Variants in FAM193B observed in about 807,000 individuals in gnomAD.
FAM193B encodes the protein protein FAM193B.
A neutral mutation model predicts 70.7 loss-of-function variants in FAM193B; 27 were observed. The observed-to-expected ratio is 0.38, with a 90% confidence interval of 0.28 to 0.53. The LOEUF (loss-of-function observed/expected upper bound fraction) is 0.53. Among genes scored for constraint, FAM193B ranks in the 20% least tolerant of loss-of-function variants. The pLI is 0.81. For missense variants in FAM193B, 1,022 were observed against 1,072.5 expected, an observed-to-expected ratio of 0.95 and a Z score of 0.66; for synonymous variants, 448 against 436.0, an observed-to-expected ratio of 1.03 and a Z score of -0.34.
Position 177,524,737 on chromosome 5 carries a change from C to G in FAM193B, c.1744G>C (p.Gly582Arg), listed in dbSNP as rs568949342. The G allele has an allele frequency of 6.5e-7, 1 of 1,546,444 alleles. No individual in the cohort carries two copies. Among genetic ancestry groups the G allele is most frequent in the Non-Finnish European group, 8.7e-7 (1 of 1,147,250 alleles). ...GPPPGIVPEN[G>R]LVRRLNTVPN... ...ACGGTGTTGAGTCTCCTCACGAGCC[C>G]GTTCTCGGGGACGATACCGGGAGGG... Residue 582 changes from glycine (G) to arginine (R), a missense_variant, in exon 6 of 9, where the codon GGG becomes CGG. Transcript: ENST00000514747.
intron 1 of FAM193B, among the ~76,000 whole-genome samples, chr5:177,549,950 C>A (rs1765984173): frequency 6.6e-6 from 1 of 152,124 alleles, no homozygotes; most frequent in African/African-American, 2.4e-5. Flanking sequence ...AAAACATAGA[C>A]CCTGCTCTAA....
At chr5:177,539,949 G>A (rs1764646116) in intron 1 of FAM193B, among the ~76,000 whole-genome samples, 1 of 152,014 alleles carries the variant, frequency 6.6e-6, no homozygotes, top group Non-Finnish European at 1.5e-5. Context: ...TATGCCCATA[G>A]CATAGGCCCA....
chr5:177,547,832 G>A (rs911033530), intron 1 of FAM193B, among the ~76,000 whole-genome samples: 1 of 152,166 alleles, frequency 6.6e-6, no homozygotes, highest in Admixed American at 6.5e-5. Context: ...GGGAGCTAAG[G>A]GCCTTTGGTG....
At chr5:177,546,427 C>T (rs1257405829) in intron 1 of FAM193B, among the ~76,000 whole-genome samples, 1 of 152,232 alleles carries the variant, frequency 6.6e-6, no homozygotes, top group Non-Finnish European at 1.5e-5. Context: ...ACATTGCAGG[C>T]ATTCACTGAA....
At chr5:177,520,717 T>C (rs908097403) in intron 8 of FAM193B, among the ~76,000 whole-genome samples, 1 of 152,166 alleles carries the variant, frequency 6.6e-6, no homozygotes, top group African/African-American at 2.4e-5. Flanking sequence ...GGATAACAGA[T>C]GAAGTGCCTG....
At chr5:177,545,022 G>C (rs1419277291) in intron 1 of FAM193B, among the ~76,000 whole-genome samples, 1 of 151,988 alleles carries the variant, frequency 6.6e-6, no homozygotes, top group Non-Finnish European at 1.5e-5. Flanking sequence ...AAAGAAATTT[G>C]CAAAAATGAA....
chr5:177,525,230 G>T, intron 5 of FAM193B, 25 bp from the exon 6 acceptor site: 1 of 1,435,678 alleles, frequency 7.0e-7, no homozygotes, highest in Non-Finnish European at 9.2e-7. Flanking sequence ...GGCAGTTTTA[G>T]CAGGAGGCTG....
In FAM193B at chr5:177,525,951, C is replaced by G. The variant is rs73804367; in HGVS notation, c.1276-746G>C. ...CCAACCTCTCCATCCCACCTCAAGG[C>G]CAACGATGCCTTTAGAGGGAGACAG... On this transcript the variant is annotated intron_variant, in intron 5 of 8. Transcript: ENST00000514747. Among the ~76,000 whole-genome samples the G allele has an allele frequency of 4.1e-3, 621 of 152,358 alleles. 6 individuals are homozygous for G. Among genetic ancestry groups the G allele is most frequent in the African/African-American group, 0.014 (597 of 41,598 alleles).
At chr5:177,528,794 TGA>T (rs147965065) in intron 5 of FAM193B, among the ~76,000 whole-genome samples, 3,004 of 152,266 alleles carry the variant, frequency 0.02, 34 homozygotes, top group Middle Eastern at 0.034. Context: ...CAGGGAACCA[TGA>T]GAGGCCCGCC....
chr5:177,524,937 A>T lies in FAM193B; in HGVS notation c.1544T>A (p.Leu515Gln). 6.6e-7 allele frequency: 1 copy of T among 1,507,712 alleles called. No homozygotes were observed. 93.4% of individuals were successfully genotyped at this position (1,507,712 alleles called of 1,614,324 possible). A position where few individuals can be genotyped will look rare whatever the true frequency, so the allele number is the denominator to read the frequency against. ...GGAGCCACTGAGGTTTGAGGGGGGT[A>T]GACTCTGAGGCTCAGGCTCAGCAGC... The part of the protein sequence containing the change: ...EGAAEPEPQS[L>Q]PPSNLSGSSE... The change falls in exon 6 of 9, where the codon CTA becomes CAA. Residue 515 changes from leucine (L) to glutamine (Q), a missense_variant. Leu to Gln is a moderately radical substitution (Grantham distance 113). Transcript: ENST00000514747.
intron 1 of FAM193B, among the ~76,000 whole-genome samples, chr5:177,548,961 T>C (rs1227633399): frequency 6.6e-6 from 1 of 151,796 alleles, no homozygotes; most frequent in African/African-American, 2.4e-5. Context: ...TTTGTACAAG[T>C]TCCTTCCTTT....
rs758519827 is a variant in FAM193B at position 177,522,029 on chromosome 5, A to G, written c.2415T>C (p.Ala805=). Residue 805 remains alanine (A), a synonymous_variant, in exon 8 of 9, where the codon GCT becomes GCC. Coordinates refer to ENST00000514747, the MANE Select transcript of FAM193B (RefSeq NM_001190946.3). The part of the protein sequence containing the change: ...DSAKQTRQKV[A]VNWTNFSLKK... ...TGAGGCTGAAGTTGGTCCAGTTCAC[A>G]GCAACTTTCTGACGAGTCTGCTTTG... The G allele has an allele frequency of 1.9e-6, 3 of 1,614,044 alleles. No homozygotes were observed. The highest frequency in any genetic ancestry group is 2.5e-6 in the Non-Finnish European group (3 of 1,179,888).
chr5:177,522,603 G>A (rs559601100), intron 7 of FAM193B, among the ~76,000 whole-genome samples: 45 of 151,806 alleles, frequency 3.0e-4, no homozygotes, highest in African/African-American at 1.0e-3. Flanking sequence ...GCCTTCCAAA[G>A]TGCTGGGATT....
chr5:177,536,160 G>A, intron 4 of FAM193B, 198 bp downstream of exon 4: 1 of 608,104 alleles, frequency 1.6e-6, no homozygotes. Flanking sequence ...TGATCTTCCT[G>A]CCTAGGACTC....
At chr5:177,523,858 G>T in intron 7 of FAM193B, 99 bp downstream of exon 7, 1 of 1,378,084 alleles carries the variant, frequency 7.3e-7, no homozygotes, top group Non-Finnish European at 1.0e-6. Flanking sequence ...CAGGGCCAAG[G>T]GAGCAGGCCT....
At position 177,525,161 on chromosome 5, in the gene FAM193B, T is replaced by G; in HGVS notation, c.1320A>C (p.Ala440=). The change falls in exon 6 of 9, where the codon GCA becomes GCC. Residue 440 remains alanine, a synonymous_variant. Coordinates refer to ENST00000514747, the MANE Select transcript of FAM193B (RefSeq NM_001190946.3). The part of the protein sequence containing the change: ...AQLAAEALKQ[A]NRVSGSREPR... The stretch of plus-strand genomic sequence containing the variant: ...GCTCCCGGCTTCCAGAAACACGATT[T>G]GCCTGCTTTAGAGCTTCTGCTGCCA... 6.6e-7 allele frequency: 1 copy of G among 1,514,082 alleles called. No individual in the cohort carries two copies. The highest frequency in any genetic ancestry group is 8.8e-7 in the Non-Finnish European group (1 of 1,131,802). The allele number at this position is 1,514,082 out of a possible 1,614,324, so 93.8% of individuals were successfully genotyped here.
chr5:177,523,555 C>T (rs189226965), intron 7 of FAM193B, among the ~76,000 whole-genome samples: 19 of 152,358 alleles, frequency 1.2e-4, no homozygotes, highest in Admixed American at 1.2e-3. Context: ...GGCCAGCCCC[C>T]ACCCCTTCTA....
rs1763594079 is a variant in FAM193B, at chr5:177,532,311, A to G, written c.1275+132T>C. Reference sequence around the variant, plus strand: ...CTGTGAGGATCAAGCGAGCAGACGCAGGTGCAAGGACTCACGGCCCCAGCA... The same window carrying G: ...CTGTGAGGATCAAGCGAGCAGACGCGGGTGCAAGGACTCACGGCCCCAGCA... On this transcript the variant is annotated intron_variant, in intron 5 of 8. Transcript: ENST00000514747. This position sits in a 1 kb window ranked among gnomAD's most constrained non-coding sequence, Gnocchi z 4.9. 4.7e-6 allele frequency: 7 copies of G among 1,485,276 alleles called. No homozygotes were observed. In the Admixed American group the frequency reaches 1.7e-4, roughly 36 times the overall value. The allele number at this position is 1,485,276 out of a possible 1,614,324, so 92.0% of individuals were successfully genotyped here.
At chr5:177,544,138 C>T (rs1765155369) in intron 1 of FAM193B, among the ~76,000 whole-genome samples, 2 of 152,196 alleles carry the variant, frequency 1.3e-5, no homozygotes, top group South Asian at 4.1e-4. Context: ...CTAAGCATAA[C>T]CAGAATCTCT....
Sources: gnomAD v4.1 joint callset for allele counts (sites outside exome capture counted in the v4.1 genomes callset) on GRCh38, gnomAD v4.1.1 for gene constraint, Gnocchi (gnomAD v3.1) non-coding constraint, MANE v1.5 for transcripts, NCBI Gene and HGNC (gene_info 2026-07-23, HGNC 2026-07-21) for gene names.